Variants in INPP4B observed in about 807,000 individuals in gnomAD.
INPP4B encodes the protein inositol polyphosphate-4-phosphatase type II B, also known as inositol polyphosphate 4-phosphatase type II.
INPP4B carries 55 observed loss-of-function variants against 122.5 expected under a neutral mutation model. The ratio of observed to expected loss-of-function variants is 0.45; its 90% CI spans 0.36 to 0.56. The LOEUF (loss-of-function observed/expected upper bound fraction) is 0.56, where lower values mean the gene tolerates loss of function less well. INPP4B is among the 20% of genes least tolerant of loss of function. The pLI, the probability that INPP4B is intolerant of heterozygous loss-of-function variation, is 0.00. For missense variants in INPP4B, 1,000 were observed against 1,097.7 expected, an observed-to-expected ratio of 0.91 and a Z score of 1.26; for synonymous variants, 403 against 388.7, an observed-to-expected ratio of 1.04 and a Z score of -0.43.
intron 2 of INPP4B, among the ~76,000 whole-genome samples, chr4:142,701,975 C>T (rs1400164286): frequency 6.6e-6 from 1 of 152,108 alleles, no homozygotes; most frequent in Non-Finnish European, 1.5e-5. Context: ...GAGAGTTCAA[C>T]ACAAAATGAA....
chr4:142,276,389 A>G (rs1057071980), intron 9 of INPP4B, among the ~76,000 whole-genome samples: 5 of 151,836 alleles, frequency 3.3e-5, no homozygotes, highest in Non-Finnish European at 7.4e-5. Flanking sequence ...GACACTCAGT[A>G]TTTTTGGCTC....
intron 18 of INPP4B, among the ~76,000 whole-genome samples, chr4:142,131,791 A>C (rs967574322): frequency 3.3e-5 from 5 of 152,180 alleles, no homozygotes; most frequent in African/African-American, 1.2e-4. Context: ...CCCCGTCTCT[A>C]CTGAAAATAC....
At chr4:142,602,208 T>C (rs966471082) in intron 2 of INPP4B, among the ~76,000 whole-genome samples, 4 of 151,840 alleles carry the variant, frequency 2.6e-5, no homozygotes, top group Non-Finnish European at 4.4e-5. Flanking sequence ...GAGAGCCAAA[T>C]CATGAATGAA....
At chr4:142,704,975 C>G (rs1284566657) in intron 2 of INPP4B, among the ~76,000 whole-genome samples, 1 of 152,160 alleles carries the variant, frequency 6.6e-6, no homozygotes, top group Non-Finnish European at 1.5e-5. Flanking sequence ...TAATGCATTT[C>G]TCAGTTTTTA....
At chr4:142,302,277 G>T (rs10016877) in intron 9 of INPP4B, among the ~76,000 whole-genome samples, 32,447 of 151,994 alleles carry the variant, frequency 0.21, 4,529 homozygotes, top group African/African-American at 0.39. Context: ...GCCTCGGCAC[G>T]GTGGTGAAGT....
chr4:142,652,267 C>T (rs1442047660), intron 2 of INPP4B, among the ~76,000 whole-genome samples: 1 of 152,168 alleles, frequency 6.6e-6, no homozygotes, highest in Non-Finnish European at 1.5e-5. Context: ...CAATATCACA[C>T]TCAATTGGCA....
intron 1 of INPP4B, among the ~76,000 whole-genome samples, chr4:142,779,942 C>A (rs571412304): frequency 1.3e-4 from 20 of 152,078 alleles, no homozygotes; most frequent in African/African-American, 4.6e-4. Context: ...TGAAAGGGAA[C>A]CAGAGACTAA....
At chr4:142,113,014 A>G (rs1561160476) in intron 21 of INPP4B, among the ~76,000 whole-genome samples, 1 of 152,088 alleles carries the variant, frequency 6.6e-6, no homozygotes, top group Non-Finnish European at 1.5e-5. Flanking sequence ...AATCAGTCCT[A>G]AGAATAAGAG....
intron 16 of INPP4B, among the ~76,000 whole-genome samples, chr4:142,164,580 G>A (rs1821753137): frequency 6.6e-6 from 1 of 151,626 alleles, no homozygotes; most frequent in South Asian, 2.1e-4. Context: ...CTTAACATTT[G>A]GGCAGCTCAT....
chr4:142,328,966 C>T (rs1773453187), intron 7 of INPP4B, among the ~76,000 whole-genome samples: 1 of 152,228 alleles, frequency 6.6e-6, no homozygotes, highest in Admixed American at 6.5e-5. Context: ...CACAGACACC[C>T]AATAATCCAG....
intron 11 of INPP4B, among the ~76,000 whole-genome samples, chr4:142,247,744 C>T (rs2150135136): frequency 6.6e-6 from 1 of 152,128 alleles, no homozygotes; most frequent in African/African-American, 2.4e-5. Context: ...AAAACCAGCT[C>T]CTGGATTCAC....
chr4:142,346,295 T>C lies in INPP4B; in HGVS notation c.373-31533A>G, dbSNP rs186663282. On this transcript the variant is annotated intron_variant, in intron 7 of 25. Transcript: ENST00000262992. The stretch of plus-strand genomic sequence containing the variant: ...TCAAAACTTAAGATAAACTGGTCAT[T>C]AGCTTTATTCCATTTCACTTTTCTT... Among the ~76,000 whole-genome samples the C allele has an allele frequency of 1.3e-3, 197 of 152,172 alleles. 1 individual carries two copies. The highest frequency in any genetic ancestry group is 4.7e-3 in the African/African-American group (195 of 41,562).
At chr4:142,350,717 G>A (rs1259899979) in intron 7 of INPP4B, among the ~76,000 whole-genome samples, 1 of 151,976 alleles carries the variant, frequency 6.6e-6, no homozygotes, top group Non-Finnish European at 1.5e-5. Flanking sequence ...GAGCAAAAAT[G>A]TTAATGAAAA....
intron 25 of INPP4B, among the ~76,000 whole-genome samples, chr4:142,055,500 T>A (rs367861786): frequency 1.3e-5 from 2 of 152,092 alleles, no homozygotes; most frequent in African/African-American, 4.8e-5. Flanking sequence ...ACTTTAAAAT[T>A]AGATAACTTT....
intron 2 of INPP4B, among the ~76,000 whole-genome samples, chr4:142,617,385 T>G (rs1743944832): frequency 6.6e-6 from 1 of 152,188 alleles, no homozygotes; most frequent in African/African-American, 2.4e-5. Flanking sequence ...CCACCTTCCC[T>G]TAGGTCACAG....
intron 22 of INPP4B, among the ~76,000 whole-genome samples, chr4:142,109,051 G>T (rs921109252): frequency 9.2e-5 from 14 of 151,856 alleles, no homozygotes; most frequent in African/African-American, 3.1e-4. Flanking sequence ...CATTAATTCA[G>T]GTTCAAAATC....
intron 12 of INPP4B, among the ~76,000 whole-genome samples, chr4:142,222,017 T>C (rs28420315): frequency 0.11 from 16,995 of 152,218 alleles, 1,075 homozygotes; most frequent in Middle Eastern, 0.15. Flanking sequence ...TGGAGTGCAA[T>C]GGCACGATCT....
intron 1 of INPP4B, among the ~76,000 whole-genome samples, chr4:142,765,204 T>C (rs1176183034): frequency 6.6e-6 from 1 of 151,990 alleles, no homozygotes; most frequent in Non-Finnish European, 1.5e-5. Context: ...AAATTAGAGA[T>C]TAGCAAGGCA....
rs774463208 is a variant in INPP4B, at chr4:142,431,161, A to C, written c.91+8T>G. 6.2e-7 allele frequency: 1 copy of C among 1,609,612 alleles called. No individual in the cohort carries two copies. Among genetic ancestry groups the C allele is most frequent in the African/African-American group, 1.3e-5 (1 of 74,804 alleles). Reference sequence around the variant, plus strand: ...TGCAAAAACAGGGAGGGATACACACATACTTACTTGTGAACTGACAGTCCC... The same window carrying C: ...TGCAAAAACAGGGAGGGATACACACCTACTTACTTGTGAACTGACAGTCCC... On this transcript the variant is annotated splice_region_variant and intron_variant, in intron 4 of 25. Transcript: ENST00000262992.
Sources: gnomAD v4.1 joint callset for allele counts (sites outside exome capture counted in the v4.1 genomes callset) on GRCh38, gnomAD v4.1.1 for gene constraint, MANE v1.5 for transcripts, NCBI Gene and HGNC (gene_info 2026-07-23, HGNC 2026-07-21) for gene names.